Variants in UFSP2 observed in about 807,000 individuals in gnomAD.
UFSP2 encodes the protein ufm1-specific protease 2.
UFSP2 carries 43 observed loss-of-function variants against 60.2 expected under a neutral mutation model. The observed-to-expected ratio is 0.71, with a 90% CI of 0.56 to 0.92. UFSP2 has a LOEUF of 0.92. Among genes scored for constraint, UFSP2 ranks in the 40% least tolerant of loss-of-function variants. The probability of loss-of-function intolerance (pLI) is 0.00; values close to 1 mark genes in which losing one functional copy is unlikely to be tolerated. For synonymous variants in UFSP2, 183 were observed against 195.1 expected, an observed-to-expected ratio of 0.94 and a Z score of 0.52; for missense variants, 520 against 575.0, an observed-to-expected ratio of 0.90 and a Z score of 0.98.
intron 7 of UFSP2, 88 bp from the exon 8 acceptor site, chr4:185,408,523 T>C: frequency 7.5e-7 from 1 of 1,336,048 alleles, no homozygotes; most frequent in Non-Finnish European, 1.0e-6. Flanking sequence ...TTTAATGTTC[T>C]TAGAGTTAGA....
At chr4:185,423,597 A>G (rs572974190) in intron 1 of UFSP2, among the ~76,000 whole-genome samples, 1 of 152,232 alleles carries the variant, frequency 6.6e-6, no homozygotes, top group Non-Finnish European at 1.5e-5. Flanking sequence ...GCCATAAAAA[A>G]ATCATGTTTT....
intron 1 of UFSP2, among the ~76,000 whole-genome samples, chr4:185,423,114 C>A (rs2095552534): frequency 6.6e-6 from 1 of 152,220 alleles, no homozygotes; most frequent in Non-Finnish European, 1.5e-5. Context: ...CTGTCTCGGC[C>A]TCCCAAAGTG....
rs748455133 is a variant in UFSP2, at chr4:185,408,301, CCTCT to C, written c.962_965del (p.Glu321GlyfsTer13). On this transcript the variant is annotated frameshift_variant, in exon 8 of 12. Coordinates refer to ENST00000264689, the MANE Select transcript of UFSP2 (RefSeq NM_018359.5). LOFTEE classifies it high-confidence loss of function. ...GAATTTCTCTGTGTGTTGGAATGGA[CCTCT>C]CTGTGTATCCCTGATGTTTGAACCA... 2 of 1,614,138 alleles carry C rather than the reference CCTCT, an allele frequency of 1.2e-6. No individual in the cohort carries two copies. The highest frequency in any genetic ancestry group is 3.3e-5 in the Admixed American group (2 of 60,016).
At chr4:185,418,376 G>T in intron 4 of UFSP2, 65 bp downstream of exon 4, 1 of 1,213,596 alleles carries the variant, frequency 8.2e-7, no homozygotes, top group Non-Finnish European at 1.2e-6. Flanking sequence ...TTCTAAGATT[G>T]CACTCAGTTC....
chr4:185,416,563 T>C (rs1015254055), intron 4 of UFSP2, among the ~76,000 whole-genome samples: 17 of 152,330 alleles, frequency 1.1e-4, no homozygotes, highest in African/African-American at 4.1e-4. Context: ...GAAGTGGAAC[T>C]GGAGGTATCA....
chr4:185,402,099 A>T (rs2095513951), intron 11 of UFSP2, among the ~76,000 whole-genome samples: 1 of 151,810 alleles, frequency 6.6e-6, no homozygotes, highest in Admixed American at 6.6e-5. Context: ...GAAGCACCTG[A>T]GATACCATTT....
intron 4 of UFSP2, among the ~76,000 whole-genome samples, chr4:185,417,837 A>C (rs1350156359): frequency 6.6e-6 from 1 of 152,126 alleles, no homozygotes; most frequent in African/African-American, 2.4e-5. Context: ...CGAGGTCAGG[A>C]GTTTGAGACC....
intron 10 of UFSP2, 86 bp from the exon 11 acceptor site, chr4:185,403,704 G>A: frequency 6.6e-7 from 1 of 1,506,250 alleles, no homozygotes; most frequent in Non-Finnish European, 8.9e-7. Context: ...ATTACGGCCG[G>A]GCGTGGTGGC....
At position 185,403,615 on chromosome 4, in the gene UFSP2, C is replaced by T; in HGVS notation, c.1202G>A (p.Gly401Glu). The T allele has an allele frequency of 2.5e-6, 4 of 1,607,856 alleles. No individual in the cohort carries two copies. Among genetic ancestry groups the T allele is most frequent in the Non-Finnish European group, 3.4e-6 (4 of 1,178,422 alleles). Residue 401 changes from glycine (G) to glutamate (E), a missense_variant, in exon 11 of 12, where the codon GGA (glycine) becomes GAA (glutamate). Gly to Glu is a moderately conservative substitution (Grantham distance 98, BLOSUM62 -2). Coordinates refer to ENST00000264689, the MANE Select transcript of UFSP2 (RefSeq NM_018359.5). ...QSEGTPVMIG[G>E]GVLAHTILGV... Reference sequence around the variant, plus strand: ...TAGTATTGTGTGGGCCAAAACTCCTCCCCCTATAGAAGAAAAAATAGGAAA... The same window carrying T: ...TAGTATTGTGTGGGCCAAAACTCCTTCCCCTATAGAAGAAAAAATAGGAAA...
At chr4:185,404,554 C>T (rs1474489598) in intron 10 of UFSP2, among the ~76,000 whole-genome samples, 3 of 151,972 alleles carry the variant, frequency 2.0e-5, no homozygotes, top group African/African-American at 7.3e-5. Flanking sequence ...ACCTTGGCCT[C>T]CCAAAGTGCT....
intron 9 of UFSP2, among the ~76,000 whole-genome samples, chr4:185,406,349 A>G (rs985226388): frequency 1.9e-4 from 29 of 152,322 alleles, no homozygotes; most frequent in African/African-American, 6.3e-4. Context: ...ATCAATGTGA[A>G]AACTGCAAAA....
At chr4:185,402,495 G>A (rs1250803912) in intron 11 of UFSP2, among the ~76,000 whole-genome samples, 2 of 151,994 alleles carry the variant, frequency 1.3e-5, no homozygotes, top group Non-Finnish European at 2.9e-5. Flanking sequence ...TTTTTTTTGA[G>A]CTGGAATTTC....
intron 1 of UFSP2, among the ~76,000 whole-genome samples, chr4:185,424,759 T>C (rs537413937): frequency 6.4e-4 from 98 of 152,354 alleles, no homozygotes; most frequent in African/African-American, 2.1e-3. Flanking sequence ...AAATTTTAAC[T>C]CTGCTACTTA....
At chr4:185,405,942 T>C (rs1561109125) in intron 9 of UFSP2, 86 bp from the exon 10 acceptor site, 1 of 1,604,546 alleles carries the variant, frequency 6.2e-7, no homozygotes, top group Admixed American at 1.7e-5. Flanking sequence ...TCCTACTTTC[T>C]TGTTTTTTCG....
intron 4 of UFSP2, 192 bp from the exon 5 acceptor site, chr4:185,416,059 G>C (rs1376484628): frequency 7.0e-6 from 3 of 431,474 alleles, no homozygotes; most frequent in Non-Finnish European, 1.2e-5. Context: ...ATGATCAACT[G>C]AGATAACTCA....
At chr4:185,421,155 G>A (rs2095548690) in intron 2 of UFSP2, among the ~76,000 whole-genome samples, 1 of 152,198 alleles carries the variant, frequency 6.6e-6, no homozygotes, top group Non-Finnish European at 1.5e-5. Flanking sequence ...TCCCAGAAAT[G>A]TAGTTTAATG....
chr4:185,422,496 G>C lies in UFSP2; in HGVS notation c.71C>G (p.Ala24Gly). Reference protein sequence around the residue: ...RGGLDLAFQLATPNEIFLKKA... With the variant: ...RGGLDLAFQLGTPNEIFLKKA... ...TTCAGAAGACCTACCATTAGGAGTA[G>C]CTAGCTGAAAAGCCAAATCAAGGCC... The change falls in exon 2 of 12, where the codon GCT (alanine) becomes GGT (glycine). Residue 24 changes from alanine to glycine, a missense_variant. By Grantham distance (60) the Ala-to-Gly change is moderately conservative. Transcript: ENST00000264689. 1 of 1,611,116 alleles carries C rather than the reference G, an allele frequency of 6.2e-7. No homozygotes were observed.
At position 185,399,829 on chromosome 4, in the gene UFSP2, A is replaced by G; in HGVS notation, c.*563T>C. On this transcript the variant is annotated 3_prime_UTR_variant, in exon 12 of 12. Coordinates refer to ENST00000264689, the MANE Select transcript of UFSP2 (RefSeq NM_018359.5). ...TCCCGCAGTGATCTCTTGTTTGCATAGCATTTATTATTCCATTTAATACTG... is the reference window on the plus strand; with the variant it reads ...TCCCGCAGTGATCTCTTGTTTGCATGGCATTTATTATTCCATTTAATACTG... The G allele has an allele frequency of 1.2e-6, 2 of 1,604,276 alleles. No individual in the cohort carries two copies. The highest frequency in any genetic ancestry group is 1.7e-6 in the Non-Finnish European group (2 of 1,174,654).
At chr4:185,411,900 A>G (rs2095530024) in intron 7 of UFSP2, among the ~76,000 whole-genome samples, 1 of 152,254 alleles carries the variant, frequency 6.6e-6, no homozygotes, top group African/African-American at 2.4e-5. Context: ...TATAAAACTC[A>G]GAACTATGCA....
Sources: allele counts gnomAD v4.1 joint callset (sites outside exome capture counted in the v4.1 genomes callset), GRCh38; gene constraint gnomAD v4.1.1; transcripts MANE v1.5; gene names NCBI Gene and HGNC (gene_info 2026-07-23, HGNC 2026-07-21).